The following KLF15 variants were observed in gnomAD, a reference collection of about 807,000 sequenced individuals.
KLF15 encodes the protein KLF transcription factor 15, also known as Krueppel-like factor 15.
KLF15 carries 4 observed loss-of-function variants against 24.6 expected under a neutral mutation model. That is an observed-to-expected ratio of 0.16 (90% CI 0.08 to 0.37). The LOEUF (loss-of-function observed/expected upper bound fraction) is 0.37. Ranked by LOEUF, KLF15 falls within the 10% of genes least tolerant of loss-of-function variation. The pLI is 1.00. For missense variants in KLF15, 496 were observed against 560.6 expected (o/e 0.88, Z 1.16); for synonymous variants, 246 against 236.3 (o/e 1.04, Z -0.37).
At chr3:126,349,973 A>G (rs916421266) in intron 2 of KLF15, among the ~76,000 whole-genome samples, 2 of 152,204 alleles carry the variant, frequency 1.3e-5, no homozygotes, top group African/African-American at 4.8e-5. Flanking sequence ...ACAAACAACA[A>G]GGAGGCCGCT....
the KLF15 span, among the ~76,000 whole-genome samples, chr3:126,334,163 T>C: frequency 6.6e-6 from 1 of 152,100 alleles, no homozygotes; most frequent in Non-Finnish European, 1.5e-5. Flanking sequence ...ATTGACCACA[T>C]AGTTGGAAGC....
At chr3:126,301,218 G>T in the KLF15 span, among the ~76,000 whole-genome samples, 1 of 151,994 alleles carries the variant, frequency 6.6e-6, no homozygotes, top group African/African-American at 2.4e-5. Flanking sequence ...CTGTGTAGCC[G>T]CCAGGGCCCA....
Position 126,343,899 on chromosome 3 carries a change from CG to C in KLF15, c.1083-5del. The C allele has an allele frequency of 6.3e-7, 1 of 1,575,380 alleles. No individual in the cohort carries two copies. On this transcript the variant is annotated splice_region_variant and splice_polypyrimidine_tract_variant and intron_variant, in intron 2 of 2. Coordinates refer to ENST00000296233, the MANE Select transcript of KLF15 (RefSeq NM_014079.4). ...CAGCTCGTCAGAGCGCGAGAACCTG[CG>C]GGACATGGCGCGGTCAGCGAGGCCT...
chr3:126,347,494 G>C (rs1371756431), intron 2 of KLF15, among the ~76,000 whole-genome samples: 2 of 152,206 alleles, frequency 1.3e-5, no homozygotes, highest in Non-Finnish European at 2.9e-5. Context: ...ATCCACTGTG[G>C]ACGACAAAAG....
Position 126,351,961 on chromosome 3 carries a change from T to C in KLF15, c.962A>G (p.His321Arg). The change falls in exon 2 of 3, where the codon CAC (histidine) becomes CGC (arginine). Residue 321 changes from histidine (H) to arginine (R), a missense_variant. Physicochemically the swap from His to Arg is conservative, Grantham distance 29. Coordinates refer to ENST00000296233, the MANE Select transcript of KLF15 (RefSeq NM_014079.4). The part of the protein sequence containing the change: ...KNPAAELIKM[H>R]KCTFPGCSKM... The stretch of plus-strand genomic sequence containing the variant: ...GCTGCAGCCAGGGAAAGTACATTTG[T>C]GCATTTTGATGAGTTCTGCGGCTGG... The C allele has an allele frequency of 6.2e-7, 1 of 1,609,956 alleles. No homozygotes were observed. The highest frequency in any genetic ancestry group is 8.5e-7 in the Non-Finnish European group (1 of 1,178,066).
the KLF15 span, chr3:126,290,693 C>T: frequency 6.6e-6 from 1 of 152,228 alleles, no homozygotes; most frequent in Non-Finnish European, 1.5e-5. Context: ...GAATTTTCTC[C>T]TAGAACTCTC....
At chr3:126,336,002 A>G in the KLF15 span, among the ~76,000 whole-genome samples, 4 of 145,058 alleles carry the variant, frequency 2.8e-5, no homozygotes, top group African/African-American at 1.0e-4. Flanking sequence ...ATACTGCCCA[A>G]GGTAATTTAC....
rs1224946666 is a variant in KLF15 at position 126,343,550 on chromosome 3, A to T, written c.*177T>A. The T allele has an allele frequency of 1.5e-5, 9 of 617,242 alleles. No individual in the cohort carries two copies. The highest frequency in any genetic ancestry group is 3.6e-5 in the Admixed American group (1 of 28,148). The allele number at this position is 617,242 out of a possible 1,614,324, so 38.2% of individuals were successfully genotyped here. On this transcript the variant is annotated 3_prime_UTR_variant, in exon 3 of 3. Coordinates refer to ENST00000296233, the MANE Select transcript of KLF15 (RefSeq NM_014079.4). ...CCCAGGGACGCGGGTTCGAGGCTCT[A>T]AGTACTCCCGAGAAAGGCAGCGGTT...
At chr3:126,312,324 C>T in the KLF15 span, among the ~76,000 whole-genome samples, 1 of 152,168 alleles carries the variant, frequency 6.6e-6, no homozygotes, top group Non-Finnish European at 1.5e-5. Context: ...TAGGTGCATG[C>T]CACCATGCCC....
intron 2 of KLF15, among the ~76,000 whole-genome samples, chr3:126,349,361 T>TG (rs1208824144): frequency 6.6e-6 from 1 of 152,150 alleles, no homozygotes; most frequent in Non-Finnish European, 1.5e-5. Flanking sequence ...GGACAGCTCC[T>TG]GGGGGCAGTG....
chr3:126,324,830 CTA>C, the KLF15 span, among the ~76,000 whole-genome samples: 1 of 38,382 alleles, frequency 2.6e-5, no homozygotes, highest in African/African-American at 1.1e-4. Flanking sequence ...TTATTATACT[CTA>C]AGTTTTAGGG....
intron 2 of KLF15, among the ~76,000 whole-genome samples, chr3:126,350,525 C>G (rs1180779742): frequency 2.0e-5 from 3 of 152,260 alleles, no homozygotes; most frequent in Admixed American, 2.0e-4. Flanking sequence ...ATTCCACTCA[C>G]AGCTCCCTGA....
At chr3:126,291,109 C>T in the KLF15 span, 1 of 152,226 alleles carries the variant, frequency 6.6e-6, no homozygotes, top group Admixed American at 6.5e-5. Context: ...GGGGCTCCCA[C>T]AGGAAGGGGC....
chr3:126,296,393 C>G, the KLF15 span, among the ~76,000 whole-genome samples: 169 of 152,292 alleles, frequency 1.1e-3, 1 homozygote, highest in African/African-American at 3.5e-3. Context: ...ATTTTTAATA[C>G]AGACGGGGTT....
Position 126,356,796 on chromosome 3 carries a change from C to G in KLF15, c.-26+441G>C, listed in dbSNP as rs1368771554. Among the ~76,000 whole-genome samples, 1 of 151,890 alleles carries G rather than the reference C, an allele frequency of 6.6e-6. No individual in the cohort carries two copies. Among genetic ancestry groups the G allele is most frequent in the East Asian group, 2.0e-4 (1 of 5,106 alleles). ...CGCTGGGCACCATGCCCTCGTCCCA[C>G]GCCCCCCCCTTGCCCCCGACACTGC... On this transcript the variant is annotated intron_variant, in intron 1 of 2. Transcript: ENST00000296233. This position sits in a 1 kb window ranked among gnomAD's most constrained non-coding sequence, Gnocchi z 4.4.
At chr3:126,307,133 T>A in the KLF15 span, among the ~76,000 whole-genome samples, 10 of 152,060 alleles carry the variant, frequency 6.6e-5, no homozygotes, top group African/African-American at 2.4e-4. Flanking sequence ...GCAGCACAGA[T>A]CCAGCACCCC....
chr3:126,311,346 G>A, the KLF15 span, among the ~76,000 whole-genome samples: 1 of 152,200 alleles, frequency 6.6e-6, no homozygotes, highest in Non-Finnish European at 1.5e-5. Context: ...TCCTTCAGGA[G>A]GGAGGCAAAG....
the KLF15 span, among the ~76,000 whole-genome samples, chr3:126,297,300 A>G: frequency 1.3e-5 from 2 of 152,104 alleles, no homozygotes; most frequent in Non-Finnish European, 2.9e-5. Flanking sequence ...GATATCATGT[A>G]ATGTATCTAA....
At chr3:126,294,796 A>T in the KLF15 span, among the ~76,000 whole-genome samples, 1 of 151,858 alleles carries the variant, frequency 6.6e-6, no homozygotes, top group Non-Finnish European at 1.5e-5. Flanking sequence ...GCCGCTAGGA[A>T]GAAACCTCCC....
Sources: gnomAD v4.1 joint callset for allele counts (sites outside exome capture counted in the v4.1 genomes callset) on GRCh38, gnomAD v4.1.1 for gene constraint, Gnocchi (gnomAD v3.1) non-coding constraint, MANE v1.5 for transcripts, NCBI Gene and HGNC (gene_info 2026-07-23, HGNC 2026-07-21) for gene names.